The following SLCO2A1 variants were observed in gnomAD, a reference collection of about 807,000 sequenced individuals.
SLCO2A1 encodes matrin F/G 1.
A neutral mutation model predicts 71.7 loss-of-function variants in SLCO2A1; 60 were observed. The observed-to-expected ratio is 0.84, with a 90% confidence interval of 0.68 to 1.04. The LOEUF is 1.04. Among genes scored for constraint, SLCO2A1 ranks in the 50% least tolerant of loss-of-function variants. The pLI, the probability that SLCO2A1 is intolerant of heterozygous loss-of-function variation, is 0.00. For missense variants in SLCO2A1, 745 were observed against 813.4 expected (o/e 0.92, Z 1.02); for synonymous variants, 308 against 326.7 (o/e 0.94, Z 0.62).
At chr3:133,990,646 T>C (rs1934820900) in intron 1 of SLCO2A1, among the ~76,000 whole-genome samples, 1 of 152,150 alleles carries the variant, frequency 6.6e-6, no homozygotes, top group Non-Finnish European at 1.5e-5. Context: ...TCTGGGTGTA[T>C]GCCCATCTCC....
chr3:133,957,421 C>T (rs1263677870), intron 3 of SLCO2A1, among the ~76,000 whole-genome samples: 1 of 152,120 alleles, frequency 6.6e-6, no homozygotes, highest in Non-Finnish European at 1.5e-5. Context: ...ACAGGGGTTA[C>T]TGTGAGCAGG....
Position 133,947,318 on chromosome 3 carries a change from A to G in SLCO2A1, c.1233T>C (p.Leu411=), listed in dbSNP as rs1933609372. Residue 411 remains leucine, a synonymous_variant, in exon 9 of 14, where the codon CTT becomes CTC. Coordinates refer to ENST00000310926, the MANE Select transcript of SLCO2A1 (RefSeq NM_005630.3). ...ATCCCATGAAGAACAAAGGAACACA[A>G]AGGATCATGGAGATGGTGATGATGG... ...ATTIITISMI[L]CVPLFFMGCS... is the part of the protein sequence containing the mutation. The G allele has an allele frequency of 6.2e-7, 1 of 1,614,146 alleles. No individual in the cohort carries two copies. The highest frequency in any genetic ancestry group is 8.5e-7 in the Non-Finnish European group (1 of 1,180,028).
At chr3:133,944,920 A>T (rs937047580) in intron 10 of SLCO2A1, among the ~76,000 whole-genome samples, 175 bp downstream of exon 10, 1 of 152,312 alleles carries the variant, frequency 6.6e-6, no homozygotes, top group East Asian at 1.9e-4. Context: ...TCATGACCCC[A>T]GGGTAGGGAG....
At chr3:133,996,390 C>T (rs1040502126) in intron 1 of SLCO2A1, among the ~76,000 whole-genome samples, 4 of 152,212 alleles carry the variant, frequency 2.6e-5, no homozygotes, top group African/African-American at 9.6e-5. Flanking sequence ...GGGCAGGCTG[C>T]CCACCCCATG....
chr3:134,014,242 G>A (rs1049534808), intron 1 of SLCO2A1, among the ~76,000 whole-genome samples: 3 of 152,274 alleles, frequency 2.0e-5, no homozygotes, highest in African/African-American at 7.2e-5. Flanking sequence ...ACCAGACTGA[G>A]TGTTCCGAAG....
chr3:133,952,709 C>G (rs114003567), intron 5 of SLCO2A1, among the ~76,000 whole-genome samples: 1 of 152,194 alleles, frequency 6.6e-6, no homozygotes, highest in Admixed American at 6.5e-5. Context: ...CGAACTCATA[C>G]TGTTGACTTC....
At chr3:133,998,960 T>A (rs1244448421) in intron 1 of SLCO2A1, among the ~76,000 whole-genome samples, 1 of 152,200 alleles carries the variant, frequency 6.6e-6, no homozygotes, top group African/African-American at 2.4e-5. Flanking sequence ...TCCTGACTCC[T>A]TGCGTATTCT....
intron 1 of SLCO2A1, among the ~76,000 whole-genome samples, chr3:134,003,760 T>G (rs1367846261): frequency 6.6e-6 from 1 of 152,194 alleles, no homozygotes; most frequent in East Asian, 1.9e-4. Flanking sequence ...CTGCAGTTAT[T>G]CAAATACCAA....
intron 1 of SLCO2A1, among the ~76,000 whole-genome samples, chr3:134,008,580 C>A (rs1324019988): frequency 6.6e-6 from 1 of 152,172 alleles, no homozygotes; most frequent in South Asian, 2.1e-4. Context: ...AGGAACAGAC[C>A]CCTAGTTAGC....
chr3:134,021,170 T>C (rs546408033), intron 1 of SLCO2A1, among the ~76,000 whole-genome samples: 7 of 152,376 alleles, frequency 4.6e-5, no homozygotes, highest in African/African-American at 1.7e-4. Context: ...GTGCCCTTTT[T>C]ACCTGTTCTT....
At chr3:133,948,491 G>C in intron 8 of SLCO2A1, 45 bp downstream of exon 8, 1 of 1,580,124 alleles carries the variant, frequency 6.3e-7, no homozygotes, top group Non-Finnish European at 8.6e-7. Flanking sequence ...CCTGCCTCCT[G>C]GCCCAGGCAA....
At chr3:133,969,637 C>T (rs1477949486) in intron 3 of SLCO2A1, among the ~76,000 whole-genome samples, 2 of 152,052 alleles carry the variant, frequency 1.3e-5, no homozygotes, top group African/African-American at 4.8e-5. Context: ...CTTCCTGCCT[C>T]AGCCTCCAGA....
intron 3 of SLCO2A1, among the ~76,000 whole-genome samples, chr3:133,957,355 T>C (rs1164506589): frequency 6.6e-6 from 1 of 152,074 alleles, no homozygotes; most frequent in East Asian, 1.9e-4. Flanking sequence ...CAAACACCCA[T>C]GTACTGACAG....
At chr3:133,970,197 C>A (rs917064063) in intron 3 of SLCO2A1, among the ~76,000 whole-genome samples, 1 of 152,222 alleles carries the variant, frequency 6.6e-6, no homozygotes, top group Non-Finnish European at 1.5e-5. Context: ...TTAGTGATTA[C>A]TGCATGTGAC....
At chr3:133,983,831 C>A (rs1033992372) in intron 1 of SLCO2A1, among the ~76,000 whole-genome samples, 1 of 152,148 alleles carries the variant, frequency 6.6e-6, no homozygotes, top group East Asian at 1.9e-4. Flanking sequence ...TTGGGAGAGA[C>A]GAGGGCTGGC....
chr3:133,935,429 C>T (rs923715271), intron 13 of SLCO2A1, among the ~76,000 whole-genome samples: 1 of 152,196 alleles, frequency 6.6e-6, no homozygotes, highest in African/African-American at 2.4e-5. Context: ...GAGGCTGCCC[C>T]CAATTTTTCC....
chr3:133,960,987 T>A (rs1046486070), intron 3 of SLCO2A1, among the ~76,000 whole-genome samples: 7 of 151,920 alleles, frequency 4.6e-5, no homozygotes, highest in African/African-American at 1.2e-4. Flanking sequence ...TAAAGGTCAG[T>A]GAGGCTGGCG....
Position 134,022,220 on chromosome 3 carries a change from G to A in SLCO2A1, c.96+7487C>T, listed in dbSNP as rs1335170968. Among the ~76,000 whole-genome samples the A allele has an allele frequency of 6.6e-5, 10 of 151,978 alleles. No homozygotes were observed. The East Asian group carries it at 1.5e-3, about 23-fold the overall frequency. The stretch of plus-strand genomic sequence containing the variant: ...TGAGGCATGTCGAAGAATTATCTGC[G>A]AAAGTCATGAAAGAAAAAAGTTATA... On this transcript the variant is annotated intron_variant, in intron 1 of 13. Coordinates refer to ENST00000310926, the MANE Select transcript of SLCO2A1 (RefSeq NM_005630.3).
At chr3:133,940,564 T>C (rs1369344350) in intron 11 of SLCO2A1, among the ~76,000 whole-genome samples, 1 of 152,206 alleles carries the variant, frequency 6.6e-6, no homozygotes, top group African/African-American at 2.4e-5. Context: ...GAGATTTTCC[T>C]ACTCTGTGCC....
Sources: allele counts gnomAD v4.1 joint callset (sites outside exome capture counted in the v4.1 genomes callset), GRCh38; gene constraint gnomAD v4.1.1; transcripts MANE v1.5; gene names NCBI Gene and HGNC (gene_info 2026-07-23, HGNC 2026-07-21).